Variants in MINK1 observed in about 807,000 individuals in gnomAD.
MINK1 encodes the protein misshapen-like kinase 1.
Under a neutral mutation model 178.4 loss-of-function variants are expected in MINK1, and 46 were observed. That is an observed-to-expected ratio of 0.26 (90% CI 0.20 to 0.33). MINK1 has a LOEUF of 0.33. MINK1 is among the 10% of genes least tolerant of loss of function. MINK1 has a pLI of 1.00. For synonymous variants in MINK1, 797 were observed against 709.7 expected (o/e 1.12, Z -1.96); for missense variants, 1,366 against 1,814.9 (o/e 0.75, Z 4.49).
Position 4,859,425 on chromosome 17 carries a change from T to C in MINK1, c.58-18892T>C, listed in dbSNP as rs976160711. 1.5e-5 allele frequency: 9 copies of C among 595,128 alleles called. No individual in the cohort carries two copies. In the African/African-American group the frequency reaches 1.8e-4, roughly 12 times the overall value. The allele number at this position is 595,128 out of a possible 1,614,324, so 36.9% of individuals were successfully genotyped here. Reference sequence around the variant, plus strand: ...CATATGTAACTTCTCAGGATGTTAATTCTGTTCTCTCTGTGTTGGTGTCTG... The same window carrying C: ...CATATGTAACTTCTCAGGATGTTAACTCTGTTCTCTCTGTGTTGGTGTCTG... On this transcript the variant is annotated intron_variant, in intron 1 of 31. Transcript: ENST00000355280.
intron 16 of MINK1, 41 bp from the exon 17 acceptor site, chr17:4,892,108 G>A (rs1369886522): frequency 6.7e-7 from 1 of 1,498,042 alleles, no homozygotes; most frequent in Non-Finnish European, 9.1e-7. Context: ...AGAAGTGCCT[G>A]TCGCAGCGCC....
At chr17:4,880,525 G>T (rs1597507187) in intron 2 of MINK1, among the ~76,000 whole-genome samples, 2 of 149,452 alleles carry the variant, frequency 1.3e-5, no homozygotes, top group South Asian at 2.1e-4. Context: ...GGTCTCAAGT[G>T]ATCCGCCTGC....
rs749704410 is a variant in MINK1 at position 4,892,528 on chromosome 17, C to T, written c.2198+16C>T. ...ACGCCTCTAGGTAATAGAGTTGTCC[C>T]CCAACTCACTCTCACCTCTCACTTC... On this transcript the variant is annotated intron_variant, in intron 18 of 31. Transcript: ENST00000355280. 16 of 1,536,452 alleles carry T rather than the reference C, an allele frequency of 1.0e-5. No individual in the cohort carries two copies. Among genetic ancestry groups the T allele is most frequent in the East Asian group, 4.8e-5 (2 of 41,552 alleles).
intron 20 of MINK1, 168 bp downstream of exon 20, chr17:4,893,235 C>G (rs1332207932): frequency 1.2e-6 from 2 of 1,610,342 alleles, no homozygotes; most frequent in East Asian, 4.5e-5. Flanking sequence ...CTCTCCTAAC[C>G]TCTCTCCTAA....
chr17:4,879,341 C>T (rs1486860973), intron 2 of MINK1, among the ~76,000 whole-genome samples: 1 of 152,242 alleles, frequency 6.6e-6, no homozygotes, highest in Non-Finnish European at 1.5e-5. Context: ...GCTTTTTCAT[C>T]TCCAGACAGA....
At position 4,833,735 on chromosome 17, in the gene MINK1, C is replaced by T. The variant is rs551435777; in HGVS notation, c.57+95C>T. The T allele has an allele frequency of 4.4e-5, 48 of 1,088,762 alleles. No homozygotes were observed. The highest frequency in any genetic ancestry group is 4.2e-4 in the South Asian group (24 of 56,704). 67.4% of individuals were successfully genotyped at this position (1,088,762 alleles called of 1,614,324 possible). ...CACGCCTCACGTGCTCCCGGGCGCCCCCTCCACCAGCTTGGGTCCCCTTGG... is the reference window on the plus strand; with the variant it reads ...CACGCCTCACGTGCTCCCGGGCGCCTCCTCCACCAGCTTGGGTCCCCTTGG... On this transcript the variant is annotated intron_variant, in intron 1 of 31. Transcript: ENST00000355280. The surrounding 1 kb of genome is among the most constrained non-coding windows in gnomAD (Gnocchi z 4.8).
At chr17:4,892,110 C>A in intron 16 of MINK1, 39 bp from the exon 17 acceptor site, 3 of 1,502,756 alleles carry the variant, frequency 2.0e-6, no homozygotes, top group Non-Finnish European at 2.7e-6. Context: ...AAGTGCCTGT[C>A]GCAGCGCCAG....
intron 21 of MINK1, 50 bp downstream of exon 21, chr17:4,893,647 G>A (rs1969112180): frequency 6.7e-7 from 1 of 1,497,144 alleles, no homozygotes; most frequent in Non-Finnish European, 8.9e-7. Flanking sequence ...AGGGAGGGAG[G>A]GGAAGTGGCA....
At position 4,887,233 on chromosome 17, in the gene MINK1, C is replaced by A; in HGVS notation, c.1019+54C>A. On this transcript the variant is annotated intron_variant, in intron 11 of 31. Transcript: ENST00000355280. The surrounding 1 kb of genome is among the most constrained non-coding windows in gnomAD (Gnocchi z 7.6). Reference sequence around the variant, plus strand: ...GGGCGGTCATCGCTGAGTGGGGGGACTACAGTGGTGCTTGGCTTTGGGGAC... The same window carrying A: ...GGGCGGTCATCGCTGAGTGGGGGGAATACAGTGGTGCTTGGCTTTGGGGAC... The A allele has an allele frequency of 6.6e-7, 1 of 1,518,398 alleles. No homozygotes were observed. Among genetic ancestry groups the A allele is most frequent in the East Asian group, 2.4e-5 (1 of 41,676 alleles). The allele number at this position is 1,518,398 out of a possible 1,614,324, so 94.1% of individuals were successfully genotyped here. A position where few individuals can be genotyped will look rare whatever the true frequency, so the allele number is the denominator to read the frequency against.
At chr17:4,863,780 C>CATTATTATTATT (rs151245503) in intron 1 of MINK1, among the ~76,000 whole-genome samples, 6 of 148,814 alleles carry the variant, frequency 4.0e-5, no homozygotes, top group South Asian at 2.1e-4. Context: ...CTAGCTGTCT[C>CATTATTATTATT]ATTATTATTA....
intron 15 of MINK1, 96 bp downstream of exon 15, chr17:4,891,220 ACACACC>A: frequency 1.1e-6 from 1 of 943,186 alleles, no homozygotes; most frequent in Non-Finnish European, 1.5e-6. Context: ...ACACACACAC[ACACACC>A]TGCTCAGCCG....
intron 17 of MINK1, 54 bp downstream of exon 17, chr17:4,892,288 TA>T (rs1221687862): frequency 1.7e-5 from 26 of 1,514,218 alleles, no homozygotes; most frequent in East Asian, 2.5e-5. Flanking sequence ...GCCTAGGGAG[TA>T]GGGGGGGCAC....
intron 1 of MINK1, among the ~76,000 whole-genome samples, chr17:4,842,666 T>G (rs1173997222): frequency 6.6e-6 from 1 of 152,206 alleles, no homozygotes; most frequent in Non-Finnish European, 1.5e-5. Flanking sequence ...CAATACTTAG[T>G]CTTTAGTTCT....
chr17:4,869,688 AT>A (rs1915600607), intron 1 of MINK1, among the ~76,000 whole-genome samples: 1 of 149,958 alleles, frequency 6.7e-6, no homozygotes, highest in Non-Finnish European at 1.5e-5. Context: ...GGCTGTACTA[AT>A]TTAGATTCCC....
At chr17:4,851,502 C>G (rs1310937622) in intron 1 of MINK1, among the ~76,000 whole-genome samples, 2 of 152,188 alleles carry the variant, frequency 1.3e-5, no homozygotes, top group Non-Finnish European at 2.9e-5. Context: ...TGTCTGCCCC[C>G]CTGCGATGGG....
intron 1 of MINK1, among the ~76,000 whole-genome samples, chr17:4,874,743 G>A (rs1270269040): frequency 6.6e-6 from 1 of 152,088 alleles, no homozygotes; most frequent in Non-Finnish European, 1.5e-5. Flanking sequence ...CCACGTGCGG[G>A]ACCCCAACTT....
In MINK1 at chr17:4,891,097, G is replaced by A. The variant is rs200357096; in HGVS notation, c.1713G>A (p.Pro571=). Residue 571 remains proline (P), a synonymous_variant, in exon 15 of 32, where the codon CCG becomes CCA. Coordinates refer to ENST00000355280, the MANE Select transcript of MINK1 (RefSeq NM_153827.5). ...PLSQTPPMQR[P]VEPQEGPHKS... is the part of the protein sequence containing the mutation. ...CCCAGACTCCTCCTATGCAGAGGCC[G>A]GTGGAGCCCCAGGAGGGACCGCACA... 67 of 1,547,760 alleles carry A rather than the reference G, an allele frequency of 4.3e-5. No homozygotes were observed. The highest frequency in any genetic ancestry group is 2.1e-4 in the African/African-American group (15 of 72,954).
At chr17:4,855,627 G>C (rs1210238171) in intron 1 of MINK1, among the ~76,000 whole-genome samples, 1 of 150,712 alleles carries the variant, frequency 6.6e-6, no homozygotes, top group Non-Finnish European at 1.5e-5. Context: ...AAAATTAGCC[G>C]AGTGTGGTGG....
At position 4,847,076 on chromosome 17, in the gene MINK1, C is replaced by T. The variant is rs1405365241; in HGVS notation, c.57+13436C>T. ...GGATCTCCTGTCCTGGCCTCATAAC[C>T]TCCTCAGGTGGCCCAAATTGCCTAT... On this transcript the variant is annotated intron_variant, in intron 1 of 31. Transcript: ENST00000355280. 6.8e-6 allele frequency: 3 copies of T among 442,288 alleles called. No individual in the cohort carries two copies. In the Admixed American group the frequency reaches 7.4e-5, roughly 11 times the overall value. 27.4% of individuals were successfully genotyped at this position (442,288 alleles called of 1,614,324 possible).
Sources: allele counts gnomAD v4.1 joint callset (sites outside exome capture counted in the v4.1 genomes callset), GRCh38; gene constraint gnomAD v4.1.1; non-coding constraint Gnocchi (gnomAD v3.1); transcripts MANE v1.5; gene names NCBI Gene and HGNC (gene_info 2026-07-23, HGNC 2026-07-21).